The following DNAJC21 variants were observed in gnomAD, a reference collection of about 807,000 sequenced individuals.
The protein encoded by DNAJC21 is DnaJ heat shock protein family (Hsp40) member C21.
A neutral mutation model predicts 72.4 loss-of-function variants in DNAJC21; 63 were observed. The observed-to-expected ratio is 0.87, with a 90% confidence interval of 0.71 to 1.07. The LOEUF is 1.07. DNAJC21 is among the 50% of genes least tolerant of loss of function. DNAJC21 has a pLI of 0.00. For synonymous variants in DNAJC21, 203 were observed against 216.7 expected (o/e 0.94, Z 0.56); for missense variants, 634 against 644.8 (o/e 0.98, Z 0.18).
In DNAJC21 at chr5:34,956,376, T is replaced by C. The variant is rs1765539797; in HGVS notation, c.*1662T>C. The C allele has an allele frequency of 6.6e-6, 1 of 152,246 alleles. No homozygotes were observed. The highest frequency in any genetic ancestry group is 2.4e-5 in the African/African-American group (1 of 41,458). The allele number at this position is 152,246 out of a possible 1,614,324, so 9.4% of individuals were successfully genotyped here. ...CTTTACCTTCATACCTTTCTATTTC[T>C]TGCTAATTTCTATCACTAATTCCTT... On this transcript the variant is annotated 3_prime_UTR_variant, in exon 12 of 12. Transcript: ENST00000648817.
chr5:34,937,555 T>C lies in DNAJC21; in HGVS notation c.668T>C (p.Leu223Pro). 6.2e-7 allele frequency: 1 copy of C among 1,613,958 alleles called. No homozygotes were observed. The highest frequency in any genetic ancestry group is 8.5e-7 in the Non-Finnish European group (1 of 1,179,878). ...AAAAGAGTGCAGGCGCATCGAAAAC[T>C]TGTGGAAGAACAGAATGCAGAGAAG... ...RDKRVQAHRK[L>P]VEEQNAEKAR... Residue 223 changes from leucine to proline, a missense_variant, in exon 5 of 12, where the codon CTT becomes CCT. Leu to Pro is a moderately conservative substitution (Grantham distance 98). Transcript: ENST00000648817.
At chr5:34,943,085 G>A (rs768137492) in intron 7 of DNAJC21, among the ~76,000 whole-genome samples, 6 of 151,876 alleles carry the variant, frequency 4.0e-5, no homozygotes, top group African/African-American at 1.5e-4. Flanking sequence ...AAAAAAAAAA[G>A]TAAGGTTATT....
chr5:34,952,093 G>A (rs1765387387), intron 10 of DNAJC21: 1 of 984,752 alleles, frequency 1.0e-6, no homozygotes, highest in African/African-American at 1.8e-5. Flanking sequence ...GTGGACACTG[G>A]CCACCTACTG....
chr5:34,950,335 G>A lies in DNAJC21; in HGVS notation c.1351G>A (p.Ala451Thr). 1 of 1,608,842 alleles carries A rather than the reference G, an allele frequency of 6.2e-7. No individual in the cohort carries two copies. The change falls in exon 10 of 12, where the codon GCT becomes ACT. Residue 451 changes from alanine to threonine, a missense_variant. Ala to Thr is a moderately conservative substitution (Grantham distance 58, BLOSUM62 0). Transcript: ENST00000648817. ...ACCATGTGATGATCCAAAAAGTGAA[G>A]CTAAAAGGTAAGTCAAAGTTGCATA... ...IKPCDDPKSE[A>T]KSVPKPKGKK... is the part of the protein sequence containing the mutation.
chr5:34,936,923 G>A (rs1041577901), intron 4 of DNAJC21, among the ~76,000 whole-genome samples: 1 of 151,912 alleles, frequency 6.6e-6, no homozygotes. Context: ...GCTAATTTTT[G>A]TATTTTTAGT....
chr5:34,933,760 T>C (rs563363459), intron 1 of DNAJC21, 55 bp from the exon 2 acceptor site: 19 of 1,446,486 alleles, frequency 1.3e-5, no homozygotes, highest in African/African-American at 4.2e-5. Flanking sequence ...AAATGTCTTA[T>C]TTAGATTCTG....
At chr5:34,935,117 T>C (rs1312051633) in intron 2 of DNAJC21, among the ~76,000 whole-genome samples, 1 of 152,234 alleles carries the variant, frequency 6.6e-6, no homozygotes, top group Non-Finnish European at 1.5e-5. Flanking sequence ...GAGCTGGTCT[T>C]CCCAATGTAG....
intron 1 of DNAJC21, among the ~76,000 whole-genome samples, chr5:34,933,226 A>C (rs1289412589): frequency 2.0e-5 from 3 of 152,218 alleles, no homozygotes; most frequent in African/African-American, 7.2e-5. Flanking sequence ...AGTAAAATTT[A>C]TACTACTCAG....
Position 34,929,788 on chromosome 5 carries a change from G to T in DNAJC21, c.-32G>T, listed in dbSNP as rs1486152836. ...GGCCCGGGCCCCGACCCCGTCCCGGGCCCCAGCGCCGGCCGCCCGCCCGGT... is the reference window on the plus strand; with the variant it reads ...GGCCCGGGCCCCGACCCCGTCCCGGTCCCCAGCGCCGGCCGCCCGCCCGGT... On this transcript the variant is annotated 5_prime_UTR_variant, in exon 1 of 12. Coordinates refer to ENST00000648817, the MANE Select transcript of DNAJC21 (RefSeq NM_001012339.3). The T allele has an allele frequency of 1.1e-5, 14 of 1,263,868 alleles. No homozygotes were observed. The highest frequency in any genetic ancestry group is 1.1e-5 in the Non-Finnish European group (11 of 978,918). The allele number at this position is 1,263,868 out of a possible 1,614,324, so 78.3% of individuals were successfully genotyped here. A position where few individuals can be genotyped will look rare whatever the true frequency, so the allele number is the denominator to read the frequency against.
Position 34,954,713 on chromosome 5 carries a change from A to C in DNAJC21, c.1595A>C (p.Ter532SerextTer14). 1 of 1,594,794 alleles carries C rather than the reference A, an allele frequency of 6.3e-7. No homozygotes were observed. The highest frequency in any genetic ancestry group is 8.5e-7 in the Non-Finnish European group (1 of 1,171,262). Residue 532 changes from the stop codon to serine (S), a stop_lost, in exon 12 of 12, where the codon TAG becomes TCG. Transcript: ENST00000648817. ...AAGAAAGAGAAACGTAAAAACAGATAGAGATTCTGCCTGTGCTTTTGTTTG... is the reference window on the plus strand; with the variant it reads ...AAGAAAGAGAAACGTAAAAACAGATCGAGATTCTGCCTGTGCTTTTGTTTG... ...QSKKEKRKNR[*>S]
intron 9 of DNAJC21, chr5:34,949,795 G>C: frequency 6.6e-7 from 1 of 1,505,362 alleles, no homozygotes; most frequent in Non-Finnish European, 8.9e-7. Context: ...ATATGGAAAA[G>C]TATCATCCTT....
In DNAJC21 at chr5:34,950,551, C is replaced by T. The variant is rs113180590; in HGVS notation, c.1358+209C>T. 9,705 of 1,192,800 alleles carry T rather than the reference C, an allele frequency of 8.1e-3. 44 individuals carry two copies. Among genetic ancestry groups the T allele is most frequent in the Non-Finnish European group, 9.1e-3 (8,779 of 961,218 alleles). The allele number at this position is 1,192,800 out of a possible 1,614,324, so 73.9% of individuals were successfully genotyped here. On this transcript the variant is annotated intron_variant, in intron 10 of 11. Transcript: ENST00000648817. ...GCTAGAGGAATGTGCCCACACACAT[C>T]TCAGCAGCATGGCCAAAATCAGAAA...
At chr5:34,934,420 G>T (rs1475569866) in intron 2 of DNAJC21, among the ~76,000 whole-genome samples, 4 of 150,484 alleles carry the variant, frequency 2.7e-5, no homozygotes, top group African/African-American at 9.8e-5. Flanking sequence ...TAGTAGAGAC[G>T]GGGTTTCAGC....
intron 1 of DNAJC21, chr5:34,930,185 A>G (rs925317340): frequency 2.7e-5 from 7 of 254,988 alleles, no homozygotes; most frequent in Admixed American, 1.1e-4. Context: ...CTGCAGTCCA[A>G]CAACCTCACT....
intron 9 of DNAJC21, among the ~76,000 whole-genome samples, chr5:34,947,761 G>A (rs945121297): frequency 2.7e-5 from 4 of 150,012 alleles, no homozygotes; most frequent in Non-Finnish European, 4.4e-5. Context: ...TTTCTGTGCC[G>A]TATTCTGTTC....
At chr5:34,935,920 A>G (rs1170525915) in intron 3 of DNAJC21, 87 bp downstream of exon 3, 4 of 1,561,290 alleles carry the variant, frequency 2.6e-6, no homozygotes, top group Admixed American at 3.6e-5. Flanking sequence ...CTATTCTGTA[A>G]TAGAAAGTGA....
chr5:34,951,129 A>G (rs1765351261), intron 10 of DNAJC21: 1 of 985,504 alleles, frequency 1.0e-6, no homozygotes, highest in South Asian at 4.7e-5. Context: ...AGTAGGAAGG[A>G]GGAAACAGAT....
chr5:34,935,879 T>G (rs776709113), intron 3 of DNAJC21, 46 bp downstream of exon 3: 1 of 1,609,972 alleles, frequency 6.2e-7, no homozygotes, highest in Admixed American at 1.7e-5. Context: ...AGTACTTCAT[T>G]AAGACTCACA....
chr5:34,951,401 C>G, intron 10 of DNAJC21: 1 of 985,438 alleles, frequency 1.0e-6, no homozygotes, highest in African/African-American at 1.7e-5. Context: ...TTGAAGGCAC[C>G]CAGATCATCT....
Sources: gnomAD v4.1 joint callset for allele counts (sites outside exome capture counted in the v4.1 genomes callset) on GRCh38, gnomAD v4.1.1 for gene constraint, MANE v1.5 for transcripts, NCBI Gene and HGNC (gene_info 2026-07-23, HGNC 2026-07-21) for gene names.